Variants in CLASP1 observed in about 807,000 individuals in gnomAD.
CLASP1 encodes the protein cytoplasmic linker associated protein 1.
A neutral mutation model predicts 192.3 loss-of-function variants in CLASP1; 38 were observed. The ratio of observed to expected loss-of-function variants is 0.20; its 90% CI spans 0.15 to 0.26. CLASP1 has a LOEUF of 0.26. Among genes scored for constraint, CLASP1 ranks in the 10% least tolerant of loss-of-function variants. The probability of loss-of-function intolerance (pLI) is 1.00; values close to 1 mark genes in which losing one functional copy is unlikely to be tolerated. For synonymous variants in CLASP1, 691 were observed against 712.8 expected, an observed-to-expected ratio of 0.97 and a Z score of 0.49; for missense variants, 1,433 against 1,932.5, an observed-to-expected ratio of 0.74 and a Z score of 4.85.
chr2:121,622,937 G>A (rs2106128393), intron 1 of CLASP1, among the ~76,000 whole-genome samples: 1 of 152,214 alleles, frequency 6.6e-6, no homozygotes, highest in South Asian at 2.1e-4. Context: ...GACTATACAT[G>A]TTTTGGTCAA....
At chr2:121,396,620 T>C (rs185484687) in intron 30 of CLASP1, among the ~76,000 whole-genome samples, 8 of 152,352 alleles carry the variant, frequency 5.3e-5, no homozygotes, top group Admixed American at 2.6e-4. Context: ...TATGCAAATA[T>C]AGAATAAGTT....
chr2:121,602,913 A>G (rs555170145), intron 2 of CLASP1, among the ~76,000 whole-genome samples: 2 of 152,328 alleles, frequency 1.3e-5, no homozygotes, highest in East Asian at 3.9e-4. Flanking sequence ...TATTTTATAA[A>G]TAAGACCTCA....
intron 8 of CLASP1, among the ~76,000 whole-genome samples, chr2:121,478,846 CACCACACACCACACCA>C: frequency 1.2e-5 from 1 of 81,922 alleles, no homozygotes; most frequent in Non-Finnish European, 2.2e-5. Context: ...ACCACACACA[CACCACACACCACACCA>C]CACACACACC....
chr2:121,528,633 C>T (rs373527296), intron 4 of CLASP1, 44 bp downstream of exon 4: 57 of 1,499,840 alleles, frequency 3.8e-5, no homozygotes, highest in African/African-American at 3.4e-4. Context: ...CGTGCATGCA[C>T]GCGCACTGGC....
At chr2:121,498,421 G>A (rs1231868096) in intron 8 of CLASP1, among the ~76,000 whole-genome samples, 1 of 151,886 alleles carries the variant, frequency 6.6e-6, no homozygotes, top group African/African-American at 2.4e-5. Flanking sequence ...TGGCCAGGCT[G>A]GCCTCAAACT....
chr2:121,639,410 T>A (rs1425316399), intron 1 of CLASP1, among the ~76,000 whole-genome samples: 3 of 152,104 alleles, frequency 2.0e-5, no homozygotes, highest in Non-Finnish European at 4.4e-5. Context: ...AGAAAGTAGA[T>A]CAGAGGTTAC....
intron 2 of CLASP1, among the ~76,000 whole-genome samples, chr2:121,590,185 G>A (rs936683666): frequency 2.0e-5 from 3 of 152,124 alleles, no homozygotes; most frequent in Admixed American, 6.6e-5. Context: ...GTAACATCCA[G>A]GATTAATATG....
intron 22 of CLASP1, among the ~76,000 whole-genome samples, chr2:121,422,214 G>A (rs953885579): frequency 6.6e-6 from 1 of 152,138 alleles, no homozygotes; most frequent in Non-Finnish European, 1.5e-5. Context: ...CATAAAAGCA[G>A]AATATAAGAG....
chr2:121,510,369 T>C (rs377540937), intron 7 of CLASP1, among the ~76,000 whole-genome samples: 2 of 152,202 alleles, frequency 1.3e-5, no homozygotes, highest in South Asian at 2.1e-4. Context: ...GCATTACTGC[T>C]AAGCATGTAC....
At chr2:121,379,148 T>C (rs1021492614) in intron 33 of CLASP1, among the ~76,000 whole-genome samples, 9 of 151,160 alleles carry the variant, frequency 6.0e-5, no homozygotes, top group African/African-American at 2.2e-4. Context: ...GAGCTATTTG[T>C]CTAGAATTGC....
intron 2 of CLASP1, among the ~76,000 whole-genome samples, chr2:121,591,409 T>G (rs564852389): frequency 3.5e-4 from 54 of 152,244 alleles, no homozygotes; most frequent in Middle Eastern, 6.8e-3. Flanking sequence ...TCTCCCTCAC[T>G]TCCTCTTAGT....
chr2:121,542,147 C>T (rs192222577), intron 2 of CLASP1, among the ~76,000 whole-genome samples: 13 of 152,268 alleles, frequency 8.5e-5, no homozygotes, highest in South Asian at 6.2e-4. Context: ...TAATATTGTA[C>T]GTAGGTATCA....
At chr2:121,593,873 G>A (rs1334908839) in intron 2 of CLASP1, among the ~76,000 whole-genome samples, 1 of 151,358 alleles carries the variant, frequency 6.6e-6, no homozygotes, top group Non-Finnish European at 1.5e-5. Flanking sequence ...AGCCAGGGTG[G>A]TGGTGCATGC....
At chr2:121,621,544 C>T (rs565246489) in intron 1 of CLASP1, among the ~76,000 whole-genome samples, 54 of 152,258 alleles carry the variant, frequency 3.5e-4, no homozygotes, top group Middle Eastern at 3.4e-3. Context: ...TGGACCTGTA[C>T]CACCATCATT....
intron 10 of CLASP1, among the ~76,000 whole-genome samples, chr2:121,462,098 CTT>C (rs899074471): frequency 6.6e-6 from 1 of 151,884 alleles, no homozygotes; most frequent in Non-Finnish European, 1.5e-5. Context: ...TATAAATAAT[CTT>C]TGTTTCATCT....
At chr2:121,360,192 C>T (rs945904113) in intron 37 of CLASP1, among the ~76,000 whole-genome samples, 2 of 152,144 alleles carry the variant, frequency 1.3e-5, no homozygotes, top group African/African-American at 2.4e-5. Context: ...GTTAACCTGC[C>T]GAGTCTTACG....
At chr2:121,565,700 C>A (rs1180820940) in intron 2 of CLASP1, among the ~76,000 whole-genome samples, 4 of 152,108 alleles carry the variant, frequency 2.6e-5, no homozygotes, top group Non-Finnish European at 5.9e-5. Flanking sequence ...CTAGGCCGCT[C>A]CAATTCTGGC....
chr2:121,499,166 C>T (rs2093646797), intron 8 of CLASP1, among the ~76,000 whole-genome samples: 1 of 152,182 alleles, frequency 6.6e-6, no homozygotes, highest in Admixed American at 6.5e-5. Flanking sequence ...AAAAGTGGAA[C>T]AACCCCAAAC....
intron 9 of CLASP1, among the ~76,000 whole-genome samples, chr2:121,464,047 C>T (rs912351997): frequency 2.8e-5 from 4 of 140,726 alleles, no homozygotes; most frequent in Non-Finnish European, 6.0e-5. Context: ...TTCCTGTGTC[C>T]ATGTGTTCTC....
Sources: allele counts gnomAD v4.1 joint callset (sites outside exome capture counted in the v4.1 genomes callset), GRCh38; gene constraint gnomAD v4.1.1; transcripts MANE v1.5; gene names NCBI Gene and HGNC (gene_info 2026-07-23, HGNC 2026-07-21).